LUZP2: variants seen among roughly 807,000 people sequenced by gnomAD.
LUZP2 encodes leucine zipper protein 2.
Under a neutral mutation model 51.6 loss-of-function variants are expected in LUZP2, and 52 were observed. The observed-to-expected ratio is 1.01, with a 90% CI of 0.81 to 1.27. The LOEUF (loss-of-function observed/expected upper bound fraction) is 1.27. Among genes scored for constraint, LUZP2 ranks in the 50% most tolerant of loss-of-function variants. LUZP2 has a pLI of 0.00. For synonymous variants in LUZP2, 154 were observed against 137.3 expected, an observed-to-expected ratio of 1.12 and a Z score of -0.85; for missense variants, 436 against 395.4, an observed-to-expected ratio of 1.10 and a Z score of -0.87.
At chr11:24,724,482 G>A (rs1245645805) in intron 1 of LUZP2, among the ~76,000 whole-genome samples, 2 of 152,076 alleles carry the variant, frequency 1.3e-5, no homozygotes, top group African/African-American at 4.8e-5. Context: ...TGAGGTGGGA[G>A]GATGGTTTGA....
intron 1 of LUZP2, among the ~76,000 whole-genome samples, chr11:24,573,858 G>GT (rs1467538155): frequency 0.014 from 1,327 of 96,882 alleles, 17 homozygotes; most frequent in African/African-American, 0.039. Context: ...CTGAATTCTT[G>GT]TTTTATTTTT....
chr11:24,534,124 G>A (rs1202395033), intron 1 of LUZP2, among the ~76,000 whole-genome samples: 1 of 151,156 alleles, frequency 6.6e-6, no homozygotes, highest in African/African-American at 2.4e-5. Flanking sequence ...AATCTTTTCA[G>A]TGTCTTAATG....
chr11:24,989,927 T>C (rs1360405867), intron 9 of LUZP2, among the ~76,000 whole-genome samples: 2 of 152,134 alleles, frequency 1.3e-5, no homozygotes, highest in Non-Finnish European at 2.9e-5. Context: ...CTAAATTGAT[T>C]CATTATTTTT....
intron 9 of LUZP2, among the ~76,000 whole-genome samples, chr11:25,010,676 C>T (rs76380512): frequency 8.1e-6 from 1 of 123,482 alleles, no homozygotes; most frequent in Non-Finnish European, 1.9e-5. Context: ...TGGTGAAACC[C>T]CATCTCTACA....
intron 9 of LUZP2, among the ~76,000 whole-genome samples, chr11:25,044,249 GTGTGTGTGTATATATATA>G (rs1161292657): frequency 2.6e-4 from 18 of 70,508 alleles, no homozygotes; most frequent in East Asian, 9.2e-4. Flanking sequence ...GTGTGTGTGT[GTGTGTGTGTATATATATA>G]TATATATATA....
intron 1 of LUZP2, among the ~76,000 whole-genome samples, chr11:24,555,628 G>A (rs1487269948): frequency 6.6e-6 from 1 of 152,118 alleles, no homozygotes; most frequent in Non-Finnish European, 1.5e-5. Context: ...TAAATGTACT[G>A]AGTCCAAAGA....
intron 7 of LUZP2, among the ~76,000 whole-genome samples, chr11:24,934,906 T>C (rs1854547438): frequency 6.6e-6 from 1 of 152,216 alleles, no homozygotes; most frequent in Non-Finnish European, 1.5e-5. Flanking sequence ...CTGTGGCCAG[T>C]GTTCAGCCTC....
At chr11:24,812,250 C>A (rs1850044686) in intron 5 of LUZP2, among the ~76,000 whole-genome samples, 1 of 152,026 alleles carries the variant, frequency 6.6e-6, no homozygotes, top group Non-Finnish European at 1.5e-5. Context: ...TCTATGAATA[C>A]CTCAATGATG....
At chr11:24,843,065 T>A in intron 5 of LUZP2, among the ~76,000 whole-genome samples, 1 of 151,682 alleles carries the variant, frequency 6.6e-6, no homozygotes. Flanking sequence ...TAAGTGCAAA[T>A]GCCAAAATAT....
chr11:24,980,959 T>C (rs183186357), intron 8 of LUZP2, among the ~76,000 whole-genome samples: 92 of 151,858 alleles, frequency 6.1e-4, no homozygotes, highest in Admixed American at 1.1e-3. Flanking sequence ...TTAAAACAAG[T>C]AGGAAAAGTG....
At chr11:24,714,058 A>G (rs1035995664) in intron 1 of LUZP2, among the ~76,000 whole-genome samples, 1 of 151,966 alleles carries the variant, frequency 6.6e-6, no homozygotes, top group Admixed American at 6.6e-5. Flanking sequence ...ACAAAAGTCA[A>G]TACAGTATAA....
chr11:24,738,225 G>A lies in LUZP2; in HGVS notation c.256G>A (p.Glu86Lys), dbSNP rs1475680043. The A allele has an allele frequency of 1.2e-6, 2 of 1,603,136 alleles. No homozygotes were observed. Among genetic ancestry groups the A allele is most frequent in the East Asian group, 2.2e-5 (1 of 44,750 alleles). Residue 86 changes from glutamate (E) to lysine (K), a missense_variant, in exon 4 of 12, where the codon GAA becomes AAA. Coordinates refer to ENST00000336930, the MANE Select transcript of LUZP2 (RefSeq NM_001009909.4). The stretch of plus-strand genomic sequence containing the variant: ...CTCTGTTTTCTACTAAAATAGAGAA[G>A]AAATGAAGTCTCTTCAGGAGGCCCT... ...LLELGQKQRE[E>K]MKSLQEALQN...
At chr11:25,060,718 A>C (rs908660529) in intron 10 of LUZP2, among the ~76,000 whole-genome samples, 3 of 152,180 alleles carry the variant, frequency 2.0e-5, no homozygotes, top group Non-Finnish European at 4.4e-5. Flanking sequence ...TATAAATAAA[A>C]AGAAAAGTGA....
chr11:24,624,324 GA>G (rs1287600887), intron 1 of LUZP2, among the ~76,000 whole-genome samples: 1 of 152,042 alleles, frequency 6.6e-6, no homozygotes, highest in Middle Eastern at 3.4e-3. Context: ...AAATAATAAT[GA>G]TTTTTTTTTG....
At chr11:24,807,847 C>T (rs1323383322) in intron 5 of LUZP2, among the ~76,000 whole-genome samples, 1 of 152,150 alleles carries the variant, frequency 6.6e-6, no homozygotes, top group Non-Finnish European at 1.5e-5. Context: ...GGGCGACCAT[C>T]TTGCTCTTTG....
intron 7 of LUZP2, among the ~76,000 whole-genome samples, chr11:24,941,884 C>T (rs529581480): frequency 2.0e-5 from 3 of 151,782 alleles, no homozygotes; most frequent in African/African-American, 7.2e-5. Flanking sequence ...TATAACTGTG[C>T]CATCATTTAA....
At chr11:24,568,381 A>G (rs913249191) in intron 1 of LUZP2, among the ~76,000 whole-genome samples, 1 of 151,360 alleles carries the variant, frequency 6.6e-6, no homozygotes, top group African/African-American at 2.4e-5. Flanking sequence ...AAAGGACTAG[A>G]TTATTATATT....
intron 10 of LUZP2, among the ~76,000 whole-genome samples, chr11:25,068,847 A>C (rs1859070575): frequency 6.6e-6 from 1 of 151,922 alleles, no homozygotes; most frequent in Non-Finnish European, 1.5e-5. Context: ...CACAACTGCT[A>C]CCTTTGATGC....
At chr11:24,760,709 T>C (rs955128512) in intron 4 of LUZP2, among the ~76,000 whole-genome samples, 26 of 152,186 alleles carry the variant, frequency 1.7e-4, no homozygotes, top group African/African-American at 6.0e-4. Flanking sequence ...ATGGATTTTA[T>C]GGAAAGCCAA....
Sources: allele counts gnomAD v4.1 joint callset (sites outside exome capture counted in the v4.1 genomes callset), GRCh38; gene constraint gnomAD v4.1.1; transcripts MANE v1.5; gene names NCBI Gene and HGNC (gene_info 2026-07-23, HGNC 2026-07-21).